The following GABRR3 variants were observed in gnomAD, a reference collection of about 807,000 sequenced individuals.
GABRR3 encodes the protein gamma-aminobutyric acid type A receptor subunit rho3, also known as gamma-aminobutyric acid receptor subunit rho-3.
Under a neutral mutation model 43.2 loss-of-function variants are expected in GABRR3, and 29 were observed. That is an observed-to-expected ratio of 0.67 (90% CI 0.50 to 0.92). The LOEUF (loss-of-function observed/expected upper bound fraction) is 0.92. GABRR3 is among the 40% of genes least tolerant of loss of function. The pLI is 0.00. For synonymous variants in GABRR3, 206 were observed against 195.9 expected (o/e 1.05, Z -0.43); for missense variants, 576 against 572.3 (o/e 1.01, Z -0.07).
intron 4 of GABRR3, among the ~76,000 whole-genome samples, chr3:98,014,445 C>T (rs1389342928): frequency 6.6e-5 from 10 of 152,132 alleles, no homozygotes; most frequent in African/African-American, 2.4e-4. Flanking sequence ...CAGAGCACAA[C>T]AGGCTTGGGG....
At chr3:98,007,276 AC>A (rs1340130293) in intron 7 of GABRR3, among the ~76,000 whole-genome samples, 1 of 151,952 alleles carries the variant, frequency 6.6e-6, no homozygotes, top group East Asian at 1.9e-4. Context: ...GGGGGAAAGC[AC>A]CCCAGGCAGA....
chr3:98,027,669 T>C (rs1707040563), intron 2 of GABRR3, among the ~76,000 whole-genome samples: 1 of 152,254 alleles, frequency 6.6e-6, no homozygotes, highest in Non-Finnish European at 1.5e-5. Context: ...ACTTTTGCCT[T>C]TTTTTGTATT....
At chr3:98,010,928 T>C (rs1458050671) in intron 5 of GABRR3, among the ~76,000 whole-genome samples, 4 of 152,032 alleles carry the variant, frequency 2.6e-5, no homozygotes. Context: ...GGTGAAACCT[T>C]GTCTCTACTA....
At chr3:98,028,080 C>G (rs1266419467) in intron 2 of GABRR3, among the ~76,000 whole-genome samples, 1 of 151,882 alleles carries the variant, frequency 6.6e-6, no homozygotes, top group Non-Finnish European at 1.5e-5. Context: ...TGGAATAAAA[C>G]AATTTGTTTA....
At chr3:98,011,177 T>C (rs560708575) in intron 5 of GABRR3, among the ~76,000 whole-genome samples, 5 of 152,332 alleles carry the variant, frequency 3.3e-5, no homozygotes, top group African/African-American at 7.2e-5. Context: ...ACAGCACTTA[T>C]AAAATGCCTG....
At chr3:97,991,977 G>A (rs758971100) in intron 9 of GABRR3, among the ~76,000 whole-genome samples, 1 of 152,112 alleles carries the variant, frequency 6.6e-6, no homozygotes, top group Non-Finnish European at 1.5e-5. Flanking sequence ...GCGTATGTGT[G>A]TTTATTCTGT....
At chr3:98,019,336 G>A (rs1283727600) in intron 3 of GABRR3, among the ~76,000 whole-genome samples, 1 of 152,030 alleles carries the variant, frequency 6.6e-6, no homozygotes, top group Non-Finnish European at 1.5e-5. Flanking sequence ...TGCCAGTCCT[G>A]TATCTTTTCT....
At chr3:98,009,168 T>C in intron 5 of GABRR3, 130 bp from the exon 6 acceptor site, 1 of 582,384 alleles carries the variant, frequency 1.7e-6, no homozygotes, top group Non-Finnish European at 3.1e-6. Flanking sequence ...AAACAGGCAG[T>C]ATTATCTTCT....
At chr3:98,018,612 G>T (rs1199242930) in intron 3 of GABRR3, among the ~76,000 whole-genome samples, 1 of 152,014 alleles carries the variant, frequency 6.6e-6, no homozygotes, top group East Asian at 1.9e-4. Context: ...ATTTAGTTTT[G>T]CGATGGAAAT....
At chr3:98,010,065 T>G in intron 5 of GABRR3, among the ~76,000 whole-genome samples, 1 of 152,182 alleles carries the variant, frequency 6.6e-6, no homozygotes, top group East Asian at 1.9e-4. Context: ...CTGGAAGAGC[T>G]GTGCTGACAA....
chr3:97,989,675 G>A (rs991601042), intron 9 of GABRR3, among the ~76,000 whole-genome samples: 29 of 151,976 alleles, frequency 1.9e-4, no homozygotes, highest in African/African-American at 7.0e-4. Flanking sequence ...AAACTGGCAC[G>A]TTTAGCTCTG....
intron 3 of GABRR3, 71 bp from the exon 4 acceptor site, chr3:98,017,793 A>C (rs1273829428): frequency 9.1e-7 from 1 of 1,098,330 alleles, no homozygotes; most frequent in African/African-American, 1.6e-5. Flanking sequence ...TAAAACAGAG[A>C]GATTAATTCT....
chr3:98,031,642 T>C (rs1360371130), intron 2 of GABRR3, among the ~76,000 whole-genome samples: 1 of 151,644 alleles, frequency 6.6e-6, no homozygotes, highest in African/African-American at 2.4e-5. Flanking sequence ...ACTTGGGAGG[T>C]TGAGGTGGGA....
At chr3:98,031,745 A>C (rs77493542) in intron 2 of GABRR3, among the ~76,000 whole-genome samples, 3,025 of 146,636 alleles carry the variant, frequency 0.021, 104 homozygotes, top group African/African-American at 0.075. Context: ...CTTGTTTCAG[A>C]AAAAAAAAAG....
intron 4 of GABRR3, among the ~76,000 whole-genome samples, chr3:98,012,824 G>A (rs948105063): frequency 5.9e-5 from 9 of 152,182 alleles, no homozygotes; most frequent in African/African-American, 2.2e-4. Context: ...GGGGAACCAG[G>A]TTATAAATGG....
intron 7 of GABRR3, among the ~76,000 whole-genome samples, chr3:98,002,093 T>G (rs758884066): frequency 5.3e-5 from 8 of 152,078 alleles, no homozygotes; most frequent in Non-Finnish European, 1.0e-4. Context: ...GGGAAAGTCT[T>G]CAATACATGA....
chr3:98,020,686 T>C (rs1576047989), intron 3 of GABRR3, among the ~76,000 whole-genome samples: 2 of 152,186 alleles, frequency 1.3e-5, no homozygotes, highest in East Asian at 3.9e-4. Context: ...GTTTGAAGGC[T>C]GATCTGAGAT....
At chr3:98,020,960 C>G (rs1706937724) in intron 3 of GABRR3, among the ~76,000 whole-genome samples, 1 of 148,898 alleles carries the variant, frequency 6.7e-6, no homozygotes, top group South Asian at 2.1e-4. Context: ...CTCCTGGGTT[C>G]AAGCGATTCT....
chr3:98,012,477 G>A, exon 5 of GABRR3: 1 of 1,613,946 alleles, frequency 6.2e-7, no homozygotes, highest in South Asian at 1.1e-5. Flanking sequence ...GTCAATCTAT[G>A]ATCAAATGTC....
Sources: gnomAD v4.1 joint callset for allele counts (sites outside exome capture counted in the v4.1 genomes callset) on GRCh38, gnomAD v4.1.1 for gene constraint, MANE v1.5 for transcripts, NCBI Gene and HGNC (gene_info 2026-07-23, HGNC 2026-07-21) for gene names.